Variants in NEK11 observed in about 807,000 individuals in gnomAD.
NEK11 encodes serine/threonine-protein kinase Nek11.
Under a neutral mutation model 80.7 loss-of-function variants are expected in NEK11, and 72 were observed. The ratio of observed to expected loss-of-function variants is 0.89; its 90% CI spans 0.74 to 1.08. NEK11 has a LOEUF of 1.08. NEK11 is among the 50% of genes least tolerant of loss of function. The probability of loss-of-function intolerance (pLI) is 0.00; values close to 1 mark genes in which losing one functional copy is unlikely to be tolerated. For synonymous variants in NEK11, 251 were observed against 260.7 expected (o/e 0.96, Z 0.36); for missense variants, 764 against 763.6 (o/e 1.00, Z -0.01).
chr3:131,096,754 C>T (rs1234003230), intron 4 of NEK11, among the ~76,000 whole-genome samples: 2 of 151,014 alleles, frequency 1.3e-5, no homozygotes, highest in Non-Finnish European at 2.9e-5. Context: ...TATTGTTATA[C>T]TTTAAGTTTT....
chr3:131,089,697 C>T (rs750917368), intron 4 of NEK11, among the ~76,000 whole-genome samples: 1 of 152,066 alleles, frequency 6.6e-6, no homozygotes, highest in Non-Finnish European at 1.5e-5. Flanking sequence ...CCTTGGCCTC[C>T]GAAAGTGCTG....
intron 14 of NEK11, among the ~76,000 whole-genome samples, chr3:131,225,862 T>C (rs540891803): frequency 6.6e-6 from 1 of 152,362 alleles, no homozygotes; most frequent in Admixed American, 6.5e-5. Flanking sequence ...ATGAAACTTT[T>C]GTTTCGACTA....
intron 16 of NEK11, among the ~76,000 whole-genome samples, chr3:131,263,977 T>C (rs1393556210): frequency 6.6e-6 from 1 of 152,240 alleles, no homozygotes; most frequent in African/African-American, 2.4e-5. Flanking sequence ...TGATGAGCAT[T>C]TTTTCATGTG....
In NEK11 at chr3:131,268,738, A is replaced by C. The variant is rs193278836; in HGVS notation, c.1622-4740A>C. On this transcript the variant is annotated intron_variant, in intron 16 of 17. Transcript: ENST00000383366. ...GGGAGGTGTCTCCCAGTCAGGAGGC[A>C]TGGGGGTCAGGGACCCACTTAAGGA... Among the ~76,000 whole-genome samples, 42 of 152,350 alleles carry C rather than the reference A, an allele frequency of 2.8e-4. No individual in the cohort carries two copies. The East Asian group carries it at 7.5e-3, about 27-fold the overall frequency.
intron 5 of NEK11, among the ~76,000 whole-genome samples, chr3:131,112,588 G>A (rs1031012695): frequency 1.3e-5 from 2 of 152,172 alleles, no homozygotes; most frequent in Admixed American, 6.6e-5. Context: ...TTTAAAACAA[G>A]TGATAAAAGG....
chr3:131,124,211 C>T lies in NEK11; in HGVS notation c.456-8534C>T, dbSNP rs755524914. Among the ~76,000 whole-genome samples, 5 of 152,122 alleles carry T rather than the reference C, an allele frequency of 3.3e-5. No individual in the cohort carries two copies. In the South Asian group the frequency reaches 6.2e-4, roughly 19 times the overall value. ...TTCCTACAAGATTCCAGCAGACTTCCCTTGTGTCTCATTGATGTTAGAAAA... is the reference window on the plus strand; with the variant it reads ...TTCCTACAAGATTCCAGCAGACTTCTCTTGTGTCTCATTGATGTTAGAAAA... On this transcript the variant is annotated intron_variant, in intron 5 of 17. Coordinates refer to ENST00000383366, the MANE Select transcript of NEK11 (RefSeq NM_024800.5).
intron 16 of NEK11, among the ~76,000 whole-genome samples, chr3:131,254,621 A>T (rs1402448207): frequency 6.6e-6 from 1 of 152,164 alleles, no homozygotes; most frequent in Non-Finnish European, 1.5e-5. Flanking sequence ...GTGAAATTCT[A>T]ATTACTTCTG....
chr3:131,119,231 A>G (rs1012132134), intron 5 of NEK11, among the ~76,000 whole-genome samples: 1 of 152,196 alleles, frequency 6.6e-6, no homozygotes, highest in Admixed American at 6.5e-5. Context: ...TTATGTACGC[A>G]GTAGTCATTC....
intron 7 of NEK11, among the ~76,000 whole-genome samples, chr3:131,146,984 C>T (rs2088482811): frequency 6.6e-6 from 1 of 151,972 alleles, no homozygotes; most frequent in Admixed American, 6.6e-5. Context: ...ATGTGTCTTC[C>T]TTTTCACTCT....
intron 5 of NEK11, among the ~76,000 whole-genome samples, chr3:131,129,332 G>T (rs969110523): frequency 2.0e-5 from 3 of 152,156 alleles, no homozygotes; most frequent in Non-Finnish European, 4.4e-5. Context: ...GGGATTACAG[G>T]CTTGAGCCAC....
intron 9 of NEK11, 21 bp downstream of exon 9, chr3:131,152,730 T>C: frequency 6.5e-7 from 1 of 1,537,410 alleles, no homozygotes; most frequent in Non-Finnish European, 9.0e-7. Flanking sequence ...TGAAAGGGAT[T>C]CTGGGAAACA....
chr3:131,222,020 G>A (rs568745473), intron 14 of NEK11, among the ~76,000 whole-genome samples: 2 of 151,950 alleles, frequency 1.3e-5, no homozygotes, highest in South Asian at 4.2e-4. Context: ...GATTCTCCCA[G>A]CTCCCTTAAG....
chr3:131,272,463 C>CTTCTTTTTTTTTT lies in NEK11; in HGVS notation c.1622-1013_1622-1012insCTTTTTTTTTTTT, dbSNP rs2096210843. ...CTTGCTAATGGGCCAGTTTTAGCTT[C>CTTCTTTTTTTTTT]TTTTTTTTTTTTTTTTTTTTTTTTT... On this transcript the variant is annotated intron_variant, in intron 16 of 17. Transcript: ENST00000383366. Among the ~76,000 whole-genome samples the CTTCTTTTTTTTTT allele has an allele frequency of 1.8e-3, 77 of 43,900 alleles. 6 individuals are homozygous for CTTCTTTTTTTTTT. The highest frequency in any genetic ancestry group is 6.6e-3 in the African/African-American group (73 of 11,042). 28.8% of individuals were successfully genotyped at this position (43,900 alleles called of 152,430 possible). A position where few individuals can be genotyped will look rare whatever the true frequency, so the allele number is the denominator to read the frequency against.
chr3:131,187,707 T>C (rs2150240916), intron 14 of NEK11, among the ~76,000 whole-genome samples: 1 of 152,312 alleles, frequency 6.6e-6, no homozygotes, highest in Admixed American at 6.5e-5. Context: ...ACAGGTGTTT[T>C]GGTTGAAGTC....
chr3:131,274,863 C>T (rs2096267464), intron 17 of NEK11, among the ~76,000 whole-genome samples: 1 of 151,610 alleles, frequency 6.6e-6, no homozygotes, highest in Admixed American at 6.6e-5. Flanking sequence ...CCTTGTTAGC[C>T]AGGATGGTCT....
Position 131,197,337 on chromosome 3 carries a change from A to G in NEK11, c.1399+26450A>G, listed in dbSNP as rs139301996. ...TGGAGGGGTGCCTTCGATGTCATTA[A>G]CATCGGAGCATGGGCTAGCAGGCCG... On this transcript the variant is annotated intron_variant, in intron 14 of 17. Coordinates refer to ENST00000383366, the MANE Select transcript of NEK11 (RefSeq NM_024800.5). Among the ~76,000 whole-genome samples the G allele has an allele frequency of 4.0e-3, 610 of 152,220 alleles. 2 individuals are homozygous for G. Among genetic ancestry groups the G allele is most frequent in the African/African-American group, 0.014 (585 of 41,530 alleles).
intron 17 of NEK11, among the ~76,000 whole-genome samples, chr3:131,279,998 T>A (rs979151713): frequency 6.6e-6 from 1 of 152,194 alleles, no homozygotes; most frequent in Non-Finnish European, 1.5e-5. Flanking sequence ...GAGGCCTTAG[T>A]TCCTGGAAAC....
chr3:131,245,307 G>GTGTGTGTGTT (rs146065304), intron 16 of NEK11, among the ~76,000 whole-genome samples: 18,053 of 151,582 alleles, frequency 0.12, 1,884 homozygotes, highest in African/African-American at 0.28. Flanking sequence ...TCCATTGTGT[G>GTGTGTGTGTT]TGTGTGTGTG....
At chr3:131,337,803 C>T (rs1219016099) in intron 17 of NEK11, among the ~76,000 whole-genome samples, 1 of 152,096 alleles carries the variant, frequency 6.6e-6, no homozygotes, top group Non-Finnish European at 1.5e-5. Context: ...ACCCCCCCTC[C>T]ATGTAGTGCC....
Sources: gnomAD v4.1 joint callset for allele counts (sites outside exome capture counted in the v4.1 genomes callset) on GRCh38, gnomAD v4.1.1 for gene constraint, MANE v1.5 for transcripts, NCBI Gene and HGNC (gene_info 2026-07-23, HGNC 2026-07-21) for gene names.